UBOX5: variants seen among roughly 807,000 people sequenced by gnomAD.
The protein encoded by UBOX5 is U-box domain containing 5.
UBOX5 carries 28 observed loss-of-function variants against 39.0 expected under a neutral mutation model. The ratio of observed to expected loss-of-function variants is 0.72; its 90% CI spans 0.53 to 0.98. UBOX5 has a LOEUF of 0.98. UBOX5 is among the 50% of genes least tolerant of loss of function. The probability of loss-of-function intolerance (pLI) is 0.00; values close to 1 mark genes in which losing one functional copy is unlikely to be tolerated. For missense variants in UBOX5, 585 were observed against 674.4 expected (o/e 0.87, Z 1.47); for synonymous variants, 283 against 275.5 (o/e 1.03, Z -0.27).
chr20:3,123,526 A>C, intron 1 of UBOX5, 120 bp from the exon 2 acceptor site: 24 of 650,728 alleles, frequency 3.7e-5, no homozygotes, highest in Non-Finnish European at 5.8e-5. Context: ...ACACACTCTC[A>C]CGGTCCACAC....
At position 3,121,423 on chromosome 20, in the gene UBOX5, T is replaced by C. The variant is rs2066334480; in HGVS notation, c.1216A>G (p.Thr406Ala). The C allele has an allele frequency of 2.5e-6, 4 of 1,613,908 alleles. No homozygotes were observed. Among genetic ancestry groups the C allele is most frequent in the Non-Finnish European group, 3.4e-6 (4 of 1,179,880 alleles). ...SEHTAKKMKA[T>A]NEPSLTHMDC... ...ATATGTGTCAGGCTGGGCTCATTGG[T>C]GGCTTTCATTTTCTTAGCAGTGTGC... The change falls in exon 3 of 5, where the codon ACC (threonine) becomes GCC (alanine). Residue 406 changes from threonine to alanine, a missense_variant. Thr to Ala is a moderately conservative substitution (Grantham distance 58). Coordinates refer to ENST00000217173, the MANE Select transcript of UBOX5 (RefSeq NM_014948.4).
intron 1 of UBOX5, among the ~76,000 whole-genome samples, chr20:3,158,535 G>A (rs1426587197): frequency 2.6e-5 from 4 of 152,038 alleles, no homozygotes; most frequent in Non-Finnish European, 5.9e-5. Context: ...GTGCAGTGGC[G>A]CGATCTCGGC....
At chr20:3,136,592 C>T (rs73608124) in intron 1 of UBOX5, among the ~76,000 whole-genome samples, 3 of 151,924 alleles carry the variant, frequency 2.0e-5, no homozygotes, top group Non-Finnish European at 2.9e-5. Context: ...TGACCTCAAG[C>T]GATCCACCCA....
intron 1 of UBOX5, chr20:3,136,133 T>C (rs572459296): frequency 8.5e-5 from 13 of 152,210 alleles, no homozygotes; most frequent in Admixed American, 6.5e-4. Flanking sequence ...AATGGCTTCC[T>C]GAAGACATCA....
chr20:3,143,411 T>C (rs1193120697), intron 1 of UBOX5, among the ~76,000 whole-genome samples: 1 of 152,014 alleles, frequency 6.6e-6, no homozygotes. Flanking sequence ...TAATCATCTG[T>C]ATTTCTAAAC....
chr20:3,139,035 C>G (rs6107245), intron 1 of UBOX5, among the ~76,000 whole-genome samples: 1 of 152,116 alleles, frequency 6.6e-6, no homozygotes, highest in East Asian at 1.9e-4. Flanking sequence ...AGCATTTCAC[C>G]TCAAAGAGTG....
intron 3 of UBOX5, among the ~76,000 whole-genome samples, chr20:3,117,863 G>A (rs62206127): frequency 5.3e-4 from 81 of 152,070 alleles, no homozygotes; most frequent in Non-Finnish European, 7.6e-4. Context: ...ATGGTGGCGA[G>A]CGCCTGTAAT....
intron 3 of UBOX5, among the ~76,000 whole-genome samples, chr20:3,117,825 C>G (rs2066305215): frequency 6.6e-6 from 1 of 151,390 alleles, no homozygotes; most frequent in South Asian, 2.1e-4. Context: ...AACCCCATCT[C>G]TACTACAAAT....
intron 1 of UBOX5, among the ~76,000 whole-genome samples, chr20:3,153,165 A>G (rs2066649111): frequency 6.6e-6 from 1 of 152,234 alleles, no homozygotes; most frequent in South Asian, 2.1e-4. Context: ...AAATTACTTC[A>G]ATTAATTCTA....
intron 1 of UBOX5, among the ~76,000 whole-genome samples, chr20:3,132,893 AG>A (rs1568475382): frequency 1.3e-5 from 2 of 151,490 alleles, no homozygotes; most frequent in Non-Finnish European, 1.5e-5. Context: ...AGGCCAAGGC[AG>A]GGGGATTGCT....
At chr20:3,134,290 C>T (rs2066452340) in intron 1 of UBOX5, among the ~76,000 whole-genome samples, 1 of 151,962 alleles carries the variant, frequency 6.6e-6, no homozygotes, top group Non-Finnish European at 1.5e-5. Flanking sequence ...ATGACTAAAA[C>T]AGTTTCTCCA....
chr20:3,126,618 G>A (rs2066391084), intron 1 of UBOX5, among the ~76,000 whole-genome samples: 2 of 151,494 alleles, frequency 1.3e-5, no homozygotes, highest in South Asian at 4.2e-4. Flanking sequence ...AGAGAGGGAG[G>A]GAGGGAGTGA....
intron 1 of UBOX5, chr20:3,148,851 C>T (rs557602257): frequency 1.2e-6 from 2 of 1,614,200 alleles, no homozygotes; most frequent in Admixed American, 3.3e-5. Context: ...CCTGGGTGGG[C>T]ACTGCTGGTT....
Position 3,149,176 on chromosome 20 carries a change from T to A in UBOX5, c.-42+10590A>T. On this transcript the variant is annotated intron_variant, in intron 1 of 4. Coordinates refer to ENST00000217173, the MANE Select transcript of UBOX5 (RefSeq NM_014948.4). The surrounding 1 kb of genome is among the most constrained non-coding windows in gnomAD (Gnocchi z 4.1). Reference sequence around the variant, plus strand: ...GCTTGATTAGAGCTGGACGGGGAGGTGTTCCACAAAAACTGCCTGGAAATC... The same window carrying A: ...GCTTGATTAGAGCTGGACGGGGAGGAGTTCCACAAAAACTGCCTGGAAATC... 1.5e-6 allele frequency: 2 copies of A among 1,298,900 alleles called. No homozygotes were observed. The highest frequency in any genetic ancestry group is 2.1e-6 in the Non-Finnish European group (2 of 950,512). The allele number at this position is 1,298,900 out of a possible 1,614,324, so 80.5% of individuals were successfully genotyped here.
intron 1 of UBOX5, among the ~76,000 whole-genome samples, chr20:3,142,985 A>G (rs1251383542): frequency 6.6e-6 from 1 of 151,854 alleles, no homozygotes; most frequent in Non-Finnish European, 1.5e-5. Context: ...AACTGTATTC[A>G]CAGATGAAAA....
intron 1 of UBOX5, among the ~76,000 whole-genome samples, chr20:3,152,353 C>T (rs549162446): frequency 2.6e-5 from 4 of 151,648 alleles, no homozygotes; most frequent in South Asian, 2.1e-4. Flanking sequence ...TGGTGGTGGG[C>T]GCCTGCAATT....
At chr20:3,159,471 C>G (rs2066723798) in intron 1 of UBOX5, among the ~76,000 whole-genome samples, 1 of 152,202 alleles carries the variant, frequency 6.6e-6, no homozygotes, top group African/African-American at 2.4e-5. Flanking sequence ...ATTCTCTTAA[C>G]AGCACCGTGA....
chr20:3,150,370 C>T (rs1410218721), intron 1 of UBOX5, among the ~76,000 whole-genome samples: 1 of 152,206 alleles, frequency 6.6e-6, no homozygotes, highest in Admixed American at 6.6e-5. Context: ...GCCCCGCTGA[C>T]ATCTTCTGGA....
At chr20:3,134,164 ATATAT>A (rs1305660757) in intron 1 of UBOX5, among the ~76,000 whole-genome samples, 4 of 152,264 alleles carry the variant, frequency 2.6e-5, no homozygotes, top group Non-Finnish European at 4.4e-5. Context: ...CTTAATGATA[ATATAT>A]TATGTGTATC....
Sources: allele counts gnomAD v4.1 joint callset (sites outside exome capture counted in the v4.1 genomes callset), GRCh38; gene constraint gnomAD v4.1.1; non-coding constraint Gnocchi (gnomAD v3.1); transcripts MANE v1.5; gene names NCBI Gene and HGNC (gene_info 2026-07-23, HGNC 2026-07-21).